KIF13A: variants seen among roughly 807,000 people sequenced by gnomAD.
KIF13A encodes the protein kinesin-like protein KIF13A.
KIF13A carries 79 observed loss-of-function variants against 212.2 expected under a neutral mutation model. The observed-to-expected ratio is 0.37, with a 90% CI of 0.31 to 0.45. The LOEUF is 0.45. KIF13A is among the 20% of genes least tolerant of loss of function. The pLI is 1.00. For synonymous variants in KIF13A, 789 were observed against 808.6 expected (o/e 0.98, Z 0.41); for missense variants, 1,901 against 2,209.0 (o/e 0.86, Z 2.79).
chr6:17,964,744 T>C (rs1196602297), intron 2 of KIF13A, among the ~76,000 whole-genome samples: 1 of 152,194 alleles, frequency 6.6e-6, no homozygotes, highest in East Asian at 1.9e-4. Context: ...CTTAGGTCAG[T>C]AGAGCTTCAC....
Position 17,789,872 on chromosome 6 carries a change from C to A in KIF13A, c.3261G>T (p.Gln1087His), listed in dbSNP as rs1274464108. The change falls in exon 26 of 39, where the codon CAG becomes CAT. Residue 1087 changes from glutamine to histidine, a missense_variant and splice_region_variant. Physicochemically the swap from Gln to His is conservative, Grantham distance 24. Coordinates refer to ENST00000259711, the MANE Select transcript of KIF13A (RefSeq NM_022113.6). The surrounding 1 kb of genome is among the most constrained non-coding windows in gnomAD (Gnocchi z 4.8). ...ACAGGATTGACAGCAGTAGCAATAC[C>A]TGATAACTATCCATATCATCACCAT... ...DEDGDDMDSY[Q>H]EEDLNCVRER... 1 of 1,612,386 alleles carries A rather than the reference C, an allele frequency of 6.2e-7. No homozygotes were observed. The highest frequency in any genetic ancestry group is 1.7e-5 in the Admixed American group (1 of 59,908).
chr6:17,894,140 ATT>A (rs1226543364), intron 3 of KIF13A, among the ~76,000 whole-genome samples: 15 of 112,390 alleles, frequency 1.3e-4, no homozygotes, highest in Non-Finnish European at 1.5e-4. Context: ...GTCTCACCCC[ATT>A]TTTTTTTTTT....
chr6:17,936,843 A>G (rs904207726), intron 2 of KIF13A, among the ~76,000 whole-genome samples: 7 of 151,410 alleles, frequency 4.6e-5, no homozygotes, highest in Non-Finnish European at 7.4e-5. Context: ...CATTCCTTTG[A>G]AAAAAAAATG....
At chr6:17,819,135 G>A (rs1179497906) in intron 16 of KIF13A, among the ~76,000 whole-genome samples, 1 of 151,664 alleles carries the variant, frequency 6.6e-6, no homozygotes, top group Non-Finnish European at 1.5e-5. Flanking sequence ...CAGTAGCTGG[G>A]ACTACAGGTG....
intron 4 of KIF13A, among the ~76,000 whole-genome samples, chr6:17,867,987 G>A (rs986516909): frequency 1.3e-5 from 2 of 152,188 alleles, no homozygotes; most frequent in Admixed American, 1.3e-4. Context: ...GTGCTCTTCT[G>A]TCCCCTCACA....
intron 20 of KIF13A, among the ~76,000 whole-genome samples, chr6:17,801,173 G>C (rs1036569613): frequency 6.6e-6 from 1 of 151,954 alleles, no homozygotes; most frequent in Non-Finnish European, 1.5e-5. Context: ...GCAACTCACA[G>C]TAAAGGGAGG....
Position 17,961,685 on chromosome 6 carries a change from T to A in KIF13A, c.146+25369A>T, listed in dbSNP as rs1778826812. The stretch of plus-strand genomic sequence containing the variant: ...TTGAGCAACTAGCTTGTTTTCTTCT[T>A]ATATACAATTGTATAACAGTTATTT... On this transcript the variant is annotated intron_variant, in intron 2 of 38. Transcript: ENST00000259711. This position sits in a 1 kb window ranked among gnomAD's most constrained non-coding sequence, Gnocchi z 4.1. Among the ~76,000 whole-genome samples, 1 of 152,230 alleles carries A rather than the reference T, an allele frequency of 6.6e-6. No individual in the cohort carries two copies. Among genetic ancestry groups the A allele is most frequent in the African/African-American group, 2.4e-5 (1 of 41,462 alleles).
At chr6:17,857,605 C>A (rs1768266745) in intron 4 of KIF13A, among the ~76,000 whole-genome samples, 1 of 152,094 alleles carries the variant, frequency 6.6e-6, no homozygotes, top group Non-Finnish European at 1.5e-5. Context: ...AAAAACAGAC[C>A]ATACAATTTG....
downstream of KIF13A, among the ~76,000 whole-genome samples, chr6:17,761,424 C>T (rs897450132): frequency 6.6e-6 from 1 of 151,900 alleles, no homozygotes; most frequent in Non-Finnish European, 1.5e-5. Context: ...GCTCCTGTTG[C>T]CCAGGCTGGA....
chr6:17,959,059 T>A (rs191720507), intron 2 of KIF13A, among the ~76,000 whole-genome samples: 7 of 152,082 alleles, frequency 4.6e-5, no homozygotes, highest in South Asian at 2.1e-4. Context: ...TAATTTTTTT[T>A]AAAATTTATA....
intron 29 of KIF13A, among the ~76,000 whole-genome samples, chr6:17,782,192 C>T (rs1006842576): frequency 6.6e-6 from 1 of 151,992 alleles, no homozygotes; most frequent in Non-Finnish European, 1.5e-5. Context: ...GCCTCAGCCT[C>T]CCAAAGTGCT....
rs77653282 is a variant in KIF13A, at chr6:17,912,364, G to C, written c.147-14184C>G. ...TTTCCCCTTCTGGGAAAGAAACCCA[G>C]GTTCAGTTCTATCACCCAAACTGGG... On this transcript the variant is annotated intron_variant, in intron 2 of 38. Coordinates refer to ENST00000259711, the MANE Select transcript of KIF13A (RefSeq NM_022113.6). The surrounding 1 kb of genome is among the most constrained non-coding windows in gnomAD (Gnocchi z 4.2). Among the ~76,000 whole-genome samples the C allele has an allele frequency of 0.06, 9,206 of 152,216 alleles. 319 individuals are homozygous for C. The highest frequency in any genetic ancestry group is 0.12 in the Middle Eastern group (35 of 294).
chr6:17,837,721 G>GC lies in KIF13A; in HGVS notation c.831-139_831-138insG. On this transcript the variant is annotated intron_variant, in intron 9 of 38. Coordinates refer to ENST00000259711, the MANE Select transcript of KIF13A (RefSeq NM_022113.6). The surrounding 1 kb of genome is among the most constrained non-coding windows in gnomAD (Gnocchi z 5.4). ...AATCCCAGCACTTTGGGAGGCCAAGGTGGATGAATCACTTGAGGCCAGGGG... is the reference window on the plus strand; with the variant it reads ...AATCCCAGCACTTTGGGAGGCCAAGGCTGGATGAATCACTTGAGGCCAGGGG... 1.6e-6 allele frequency: 1 copy of GC among 619,258 alleles called. No individual in the cohort carries two copies. Among genetic ancestry groups the GC allele is most frequent in the Non-Finnish European group, 2.8e-6 (1 of 354,306 alleles). 38.4% of individuals were successfully genotyped at this position (619,258 alleles called of 1,614,324 possible).
At position 17,931,035 on chromosome 6, in the gene KIF13A, T is replaced by C. The variant is rs770852807; in HGVS notation, c.147-32855A>G. On this transcript the variant is annotated intron_variant, in intron 2 of 38. Transcript: ENST00000259711. ...ACACATATATGCATAATATCCTTGC[T>C]GTTCTTTCATGGGAAAACACCACAT... Among the ~76,000 whole-genome samples the C allele has an allele frequency of 7.4e-4, 112 of 152,342 alleles. 2 individuals carry two copies. Among genetic ancestry groups the C allele is most frequent in the South Asian group, 1.0e-3 (5 of 4,826 alleles).
intron 3 of KIF13A, among the ~76,000 whole-genome samples, chr6:17,884,382 C>T (rs1238763076): frequency 2.6e-5 from 4 of 152,182 alleles, no homozygotes; most frequent in Admixed American, 6.5e-5. Context: ...TGCTGTAGAG[C>T]GTTTGTTATG....
At chr6:17,966,711 T>C (rs898599645) in intron 2 of KIF13A, among the ~76,000 whole-genome samples, 3 of 152,182 alleles carry the variant, frequency 2.0e-5, no homozygotes, top group Non-Finnish European at 4.4e-5. Flanking sequence ...AAAATTGTTT[T>C]TATTGTTAAC....
chr6:17,848,857 C>T (rs1767354141), intron 9 of KIF13A, among the ~76,000 whole-genome samples: 1 of 152,116 alleles, frequency 6.6e-6, no homozygotes, highest in Non-Finnish European at 1.5e-5. Context: ...ATCCACTCAC[C>T]TTGGCCTTCC....
intron 3 of KIF13A, among the ~76,000 whole-genome samples, chr6:17,890,811 A>ATAATAATAATAATAATAATAG (rs1288717408): frequency 1.3e-5 from 2 of 148,826 alleles, no homozygotes; most frequent in African/African-American, 4.9e-5. Context: ...AATAATAATA[A>ATAATAATAATAATAATAATAG]TAATAATGTT....
At chr6:17,867,396 C>T (rs1769508340) in intron 4 of KIF13A, among the ~76,000 whole-genome samples, 1 of 152,320 alleles carries the variant, frequency 6.6e-6, no homozygotes, top group African/African-American at 2.4e-5. Flanking sequence ...TGAATCCCTA[C>T]TTTAACAAAC....
Sources: allele counts gnomAD v4.1 joint callset (sites outside exome capture counted in the v4.1 genomes callset), GRCh38; gene constraint gnomAD v4.1.1; non-coding constraint Gnocchi (gnomAD v3.1); transcripts MANE v1.5; gene names NCBI Gene and HGNC (gene_info 2026-07-23, HGNC 2026-07-21).